IL32: variants seen among roughly 807,000 people sequenced by gnomAD.
The protein encoded by IL32 is interleukin-32.
Under a neutral mutation model 16.6 loss-of-function variants are expected in IL32, and 30 were observed. The ratio of observed to expected loss-of-function variants is 1.81; its 90% CI spans 1.35 to 2.45. IL32 has a LOEUF of 2.45. Ranked by LOEUF, IL32 falls within the 30% of genes most tolerant of loss-of-function variation. The pLI is 0.00. For missense variants in IL32, 234 were observed against 229.8 expected (o/e 1.02, Z -0.12); for synonymous variants, 70 against 86.1 (o/e 0.81, Z 1.03).
Position 3,067,524 on chromosome 16 carries a change from C to T in IL32, c.55-30C>T, listed in dbSNP as rs773824307. On this transcript the variant is annotated intron_variant, in intron 3 of 6. Coordinates refer to ENST00000525643, the MANE Select transcript of IL32 (RefSeq NM_001376923.1). The stretch of plus-strand genomic sequence containing the variant: ...ACCCTGGAGGGACAAGGATCCGGCC[C>T]TTTGGTGCCAACTCTGCCTCTCTTC... 5 of 1,613,936 alleles carry T rather than the reference C, an allele frequency of 3.1e-6. No individual in the cohort carries two copies. The African/African-American group carries it at 6.7e-5, about 22-fold the overall frequency.
chr16:3,067,312 T>A, intron 2 of IL32, 65 bp from the exon 3 acceptor site: 1 of 826,848 alleles, frequency 1.2e-6, no homozygotes, highest in Non-Finnish European at 2.0e-6. Context: ...TGTGTGTGTA[T>A]AAATTATCCT....
chr16:3,068,291 G>A (rs758437537), intron 6 of IL32, 52 bp downstream of exon 6: 15 of 1,449,944 alleles, frequency 1.0e-5, no homozygotes, highest in South Asian at 2.4e-5. Context: ...CCTCTGCCCT[G>A]TCTTTTCTTT....
chr16:3,067,945 G>A lies in IL32; in HGVS notation c.115-39G>A, dbSNP rs1385295890. The A allele has an allele frequency of 5.6e-6, 9 of 1,612,890 alleles. No homozygotes were observed. The East Asian group carries it at 8.9e-5, about 16-fold the overall frequency. ...GGACTGACTGATGTGGGGTGCAGAG[G>A]AGGCTTGGGCCTGGAACCGAGTGCT... On this transcript the variant is annotated intron_variant, in intron 4 of 6. Coordinates refer to ENST00000525643, the MANE Select transcript of IL32 (RefSeq NM_001376923.1).
chr16:3,068,179 G>C lies in IL32; in HGVS notation c.142-1G>C. The C allele has an allele frequency of 6.2e-7, 1 of 1,604,108 alleles. No homozygotes were observed. On this transcript the variant is annotated splice_acceptor_variant, in intron 5 of 6. Transcript: ENST00000525643. LOFTEE classifies it high-confidence loss of function. ...AACCCCCTGTGCCCTCCTCTCCCCA[G>C]GACGACTTCAAAGAGGGCTACCTGG...
In IL32 at chr16:3,067,391, C is replaced by T. The variant is rs1433141426; in HGVS notation, c.30C>T (p.Asp10=). 2 of 1,557,082 alleles carry T rather than the reference C, an allele frequency of 1.3e-6. No individual in the cohort carries two copies. The highest frequency in any genetic ancestry group is 1.7e-6 in the Non-Finnish European group (2 of 1,151,392). ...TATTTCCGCAGGTCCTCTCTGATGACATGAAGAAGCTGAAGGCCCGAATGG... is the reference window on the plus strand; with the variant it reads ...TATTTCCGCAGGTCCTCTCTGATGATATGAAGAAGCTGAAGGCCCGAATGG... MCFPKVLSD[D]MKKLKARMHQ... Residue 10 remains aspartate (D), a synonymous_variant, in exon 3 of 7, where the codon GAC becomes GAT. Transcript: ENST00000525643.
chr16:3,066,616 G>C (rs76806131), intron 2 of IL32, among the ~76,000 whole-genome samples: 77 of 152,264 alleles, frequency 5.1e-4, no homozygotes, highest in African/African-American at 1.9e-3. Context: ...ATGCAGCCAC[G>C]TGTCTGCAGG....
chr16:3,068,395 T>C, intron 6 of IL32, 156 bp downstream of exon 6: 1 of 687,318 alleles, frequency 1.5e-6, no homozygotes, highest in Non-Finnish European at 2.5e-6. Context: ...AACCTCCAAA[T>C]CTCGGGTTTA....
rs1042502297 is a variant in IL32, at chr16:3,067,865, C to T, written c.115-119C>T. 1.1e-4 allele frequency: 137 copies of T among 1,235,158 alleles called. 1 individual carries two copies. In the African/African-American group the frequency reaches 1.7e-3, roughly 15 times the overall value. The allele number at this position is 1,235,158 out of a possible 1,614,324, so 76.5% of individuals were successfully genotyped here. A position where few individuals can be genotyped will look rare whatever the true frequency, so the allele number is the denominator to read the frequency against. ...ACAGGGGTGCCAGACGTGGCCCGGG[C>T]CCCTGGCTGGGCCCAGTTCGGGGTG... On this transcript the variant is annotated intron_variant, in intron 4 of 6. Coordinates refer to ENST00000525643, the MANE Select transcript of IL32 (RefSeq NM_001376923.1).
At chr16:3,068,550 T>C (rs921216784) in intron 6 of IL32, 14 of 427,118 alleles carry the variant, frequency 3.3e-5, no homozygotes, top group Non-Finnish European at 5.2e-5. Flanking sequence ...TAACCTTGTG[T>C]TCCGTCTGCC....
intron 2 of IL32, among the ~76,000 whole-genome samples, chr16:3,066,102 C>G (rs1419214049): frequency 2.0e-5 from 3 of 152,154 alleles, no homozygotes; most frequent in East Asian, 1.9e-4. Context: ...TGGGGCAGGG[C>G]TCTGCTGGAA....
chr16:3,068,720 C>T (rs1445536840), intron 6 of IL32: 2 of 520,056 alleles, frequency 3.8e-6, no homozygotes, highest in Non-Finnish European at 6.9e-6. Context: ...GGCCTCACTC[C>T]TCACACAGTG....
intron 2 of IL32, 64 bp from the exon 3 acceptor site, chr16:3,067,301 GTGTGTGTGTATA>G: frequency 1.4e-6 from 1 of 719,324 alleles, no homozygotes; most frequent in Non-Finnish European, 2.4e-6. Flanking sequence ...GTGTGTGTGT[GTGTGTGTGTATA>G]AATTATCCTG....
intron 5 of IL32, 28 bp from the exon 6 acceptor site, chr16:3,068,152 T>C: frequency 1.9e-6 from 3 of 1,604,208 alleles, no homozygotes; most frequent in Non-Finnish European, 2.6e-6. Flanking sequence ...AGGAGCAGCA[T>C]GAACCCCCTG....
chr16:3,066,830 C>A (rs868759349), intron 2 of IL32, among the ~76,000 whole-genome samples: 2 of 152,076 alleles, frequency 1.3e-5, no homozygotes, highest in Admixed American at 6.5e-5. Flanking sequence ...GGAAACCCAG[C>A]TGAGCCAGCC....
chr16:3,068,152 T>G (rs777241239), intron 5 of IL32, 28 bp from the exon 6 acceptor site: 1 of 1,604,210 alleles, frequency 6.2e-7, no homozygotes, highest in Non-Finnish European at 8.5e-7. Flanking sequence ...AGGAGCAGCA[T>G]GAACCCCCTG....
rs1956597933 is a variant in IL32, at chr16:3,067,971, T to C, written c.115-13T>C. ...AGGCTTGGGCCTGGAACCGAGTGCTTTGTTCCTAACAGGTGATGTCGAGCC... is the reference window on the plus strand; with the variant it reads ...AGGCTTGGGCCTGGAACCGAGTGCTCTGTTCCTAACAGGTGATGTCGAGCC... On this transcript the variant is annotated splice_polypyrimidine_tract_variant and intron_variant, in intron 4 of 6. Transcript: ENST00000525643. 2 of 1,614,046 alleles carry C rather than the reference T, an allele frequency of 1.2e-6. No individual in the cohort carries two copies. Among genetic ancestry groups the C allele is most frequent in the East Asian group, 2.2e-5 (1 of 44,872 alleles).
chr16:3,065,783 G>C lies in IL32; in HGVS notation c.-28-1G>C. The C allele has an allele frequency of 6.2e-7, 1 of 1,614,136 alleles. No homozygotes were observed. The highest frequency in any genetic ancestry group is 8.5e-7 in the Non-Finnish European group (1 of 1,179,992). On this transcript the variant is annotated splice_acceptor_variant, in intron 1 of 6. Coordinates refer to ENST00000525643, the MANE Select transcript of IL32 (RefSeq NM_001376923.1). LOFTEE classifies it low-confidence loss of function (5UTR_SPLICE). ...TCCTCACACCTGTTCCTCGCCAGCA[G>C]GCCTTGGCTCCTTGAACTTTTGGCC... is the stretch of plus-strand genomic sequence containing the variant.
intron 2 of IL32, 61 bp from the exon 3 acceptor site, chr16:3,067,316 T>C (rs1956488220): frequency 2.3e-6 from 2 of 859,814 alleles, no homozygotes; most frequent in Admixed American, 2.3e-5. Context: ...TGTGTATAAA[T>C]TATCCTGGAG....
Position 3,068,231 on chromosome 16 carries a change from C to T in IL32, c.193C>T (p.Gln65Ter). Reference sequence around the variant, plus strand: ...GACAGTGGCGGCTTATTATGAGGAGCAGCACCCAGTGAGTATGACACACCC... The same window carrying T: ...GACAGTGGCGGCTTATTATGAGGAGTAGCACCCAGTGAGTATGACACACCC... ...LETVAAYYEEQHPELTPLLEK... is the reference protein window; with the variant it reads ...LETVAAYYEE Residue 65 changes from glutamine (Q) to a stop codon, truncating the protein, a stop_gained, in exon 6 of 7, where the codon CAG (glutamine) becomes TAG (stop). Transcript: ENST00000525643. LOFTEE classifies it low-confidence loss of function (END_TRUNC). The T allele has an allele frequency of 6.3e-7, 1 of 1,596,004 alleles. No individual in the cohort carries two copies. Among genetic ancestry groups the T allele is most frequent in the Non-Finnish European group, 8.5e-7 (1 of 1,170,976 alleles).
Sources: allele counts gnomAD v4.1 joint callset (sites outside exome capture counted in the v4.1 genomes callset), GRCh38; gene constraint gnomAD v4.1.1; transcripts MANE v1.5; gene names NCBI Gene and HGNC (gene_info 2026-07-23, HGNC 2026-07-21).